Variants in AKT3 observed in about 807,000 individuals in gnomAD.
AKT3 encodes AKT serine/threonine kinase 3, also known as RAC-gamma serine/threonine-protein kinase.
AKT3 carries 15 observed loss-of-function variants against 65.3 expected under a neutral mutation model. That is an observed-to-expected ratio of 0.23 (90% CI 0.15 to 0.35). The LOEUF is 0.35. Among genes scored for constraint, AKT3 ranks in the 10% least tolerant of loss-of-function variants. The pLI, the probability that AKT3 is intolerant of heterozygous loss-of-function variation, is 1.00. For missense variants in AKT3, 243 were observed against 576.5 expected, an observed-to-expected ratio of 0.42 and a Z score of 5.92; for synonymous variants, 206 against 183.8, an observed-to-expected ratio of 1.12 and a Z score of -0.98.
At position 243,554,998 on chromosome 1, in the gene AKT3, T is replaced by C. The variant is rs547970096; in HGVS notation, c.949-2055A>G. ...TAAGCAACTGAAAAATAAAACTGCA[T>C]TGTAAAAAAATCTGTTTGATAAAAT... On this transcript the variant is annotated intron_variant, in intron 10 of 13. Coordinates refer to ENST00000673466, the MANE Select transcript of AKT3 (RefSeq NM_005465.7). 6.2e-3 allele frequency among the ~76,000 whole-genome samples: 944 copies of C among 152,258 alleles called. 14 individuals carry two copies. Among genetic ancestry groups the C allele is most frequent in the Middle Eastern group, 0.014 (4 of 294 alleles).
At chr1:243,715,740 T>C (rs1686473371) in intron 2 of AKT3, among the ~76,000 whole-genome samples, 1 of 152,046 alleles carries the variant, frequency 6.6e-6, no homozygotes, top group Admixed American at 6.6e-5. Flanking sequence ...GAAAACAGGT[T>C]CAAAGGTGTT....
chr1:243,786,688 G>T (rs577597389), intron 2 of AKT3, among the ~76,000 whole-genome samples: 1 of 152,062 alleles, frequency 6.6e-6, no homozygotes, highest in African/African-American at 2.4e-5. Flanking sequence ...GCACGGGGTG[G>T]GGGGGTGCGC....
intron 12 of AKT3, among the ~76,000 whole-genome samples, chr1:243,526,777 GTT>G (rs1314157661): frequency 3.5e-3 from 6 of 1,704 alleles, no homozygotes; most frequent in South Asian, 0.028. Flanking sequence ...ACAAAAAATG[GTT>G]AAAAAAAAAA....
At chr1:243,636,508 C>T (rs968344920) in intron 6 of AKT3, among the ~76,000 whole-genome samples, 6 of 151,972 alleles carry the variant, frequency 3.9e-5, no homozygotes, top group Non-Finnish European at 5.9e-5. Flanking sequence ...CCTTACATAT[C>T]CCAATCCTCA....
intron 3 of AKT3, among the ~76,000 whole-genome samples, chr1:243,673,452 A>G (rs1022223526): frequency 3.3e-5 from 5 of 152,124 alleles, no homozygotes; most frequent in Admixed American, 2.6e-4. Flanking sequence ...CTACATCATT[A>G]TATTTAATAG....
chr1:243,499,826 T>G lies in AKT3; in HGVS notation c.*5423A>C. ...GTGAAATAAATGATTTACAAAGAGA[T>G]ATTTACATTCATCTGGTTTAGACTT... On this transcript the variant is annotated 3_prime_UTR_variant, in exon 14 of 14. Coordinates refer to ENST00000673466, the MANE Select transcript of AKT3 (RefSeq NM_005465.7). The G allele has an allele frequency of 6.3e-7, 1 of 1,593,610 alleles. No individual in the cohort carries two copies. The highest frequency in any genetic ancestry group is 1.1e-5 in the South Asian group (1 of 90,526).
At chr1:243,513,779 A>G (rs1196586402) in intron 12 of AKT3, among the ~76,000 whole-genome samples, 1 of 152,184 alleles carries the variant, frequency 6.6e-6, no homozygotes, top group African/African-American at 2.4e-5. Context: ...AATGGCGACT[A>G]ATCCCTAAAC....
chr1:243,630,656 T>C (rs1679538781), intron 6 of AKT3, among the ~76,000 whole-genome samples: 1 of 152,246 alleles, frequency 6.6e-6, no homozygotes, highest in East Asian at 1.9e-4. Flanking sequence ...CTCCAATTCA[T>C]TCTTGCTTTT....
At chr1:243,788,258 T>C (rs147620740) in intron 2 of AKT3, among the ~76,000 whole-genome samples, 26 of 152,296 alleles carry the variant, frequency 1.7e-4, no homozygotes, top group Non-Finnish European at 3.5e-4. Context: ...GAAAAAAACA[T>C]GCTGAAACAA....
rs1056219513 is a variant in AKT3, at chr1:243,581,337, G to A, written c.697-8289C>T. On this transcript the variant is annotated intron_variant, in intron 8 of 13. Transcript: ENST00000673466. ...CTGTGGCAACAAAGAGCTTCTGCCA[G>A]TAAACAAGTATCAAGGTATACACTA... Among the ~76,000 whole-genome samples the A allele has an allele frequency of 6.5e-4, 99 of 152,338 alleles. 1 individual carries two copies. Among genetic ancestry groups the A allele is most frequent in the East Asian group, 3.9e-4 (2 of 5,170 alleles).
intron 13 of AKT3, among the ~76,000 whole-genome samples, chr1:243,508,724 G>A (rs540429906): frequency 7.8e-5 from 11 of 140,656 alleles, no homozygotes; most frequent in African/African-American, 2.8e-4. Flanking sequence ...GGAGGGCAAT[G>A]TTGTGATCTC....
intron 8 of AKT3, among the ~76,000 whole-genome samples, chr1:243,581,477 A>G (rs1675347641): frequency 6.6e-6 from 1 of 152,206 alleles, no homozygotes; most frequent in African/African-American, 2.4e-5. Flanking sequence ...CTAAAGAAAC[A>G]AAGTCAAAGA....
At chr1:243,830,088 A>G (rs1353725391) in intron 2 of AKT3, among the ~76,000 whole-genome samples, 1 of 152,158 alleles carries the variant, frequency 6.6e-6, no homozygotes, top group Non-Finnish European at 1.5e-5. Context: ...TCAACCAACC[A>G]CAGATCAAAA....
chr1:243,846,515 C>G (rs966876225), intron 1 of AKT3, among the ~76,000 whole-genome samples: 6 of 151,992 alleles, frequency 3.9e-5, no homozygotes, highest in Non-Finnish European at 8.8e-5. Flanking sequence ...ATCAACAAGT[C>G]AAGAAGCATA....
chr1:243,662,068 G>T (rs1239324579), intron 4 of AKT3, among the ~76,000 whole-genome samples: 11 of 149,750 alleles, frequency 7.3e-5, no homozygotes, highest in Non-Finnish European at 1.6e-4. Flanking sequence ...AGGTGCTGGA[G>T]AGGATGTGGA....
intron 2 of AKT3, among the ~76,000 whole-genome samples, chr1:243,772,412 C>T (rs976003553): frequency 2.6e-4 from 39 of 152,200 alleles, no homozygotes; most frequent in African/African-American, 7.9e-4. Flanking sequence ...AAGACAGTTA[C>T]GCAGCCAAAA....
chr1:243,556,906 G>C (rs1468810922), intron 10 of AKT3, among the ~76,000 whole-genome samples: 2 of 152,070 alleles, frequency 1.3e-5, no homozygotes, highest in African/African-American at 4.8e-5. Context: ...TTCTACAGTT[G>C]CTTGGTATTT....
At chr1:243,832,721 C>A (rs1306715526) in intron 2 of AKT3, among the ~76,000 whole-genome samples, 1 of 152,066 alleles carries the variant, frequency 6.6e-6, no homozygotes, top group Non-Finnish European at 1.5e-5. Context: ...TTTGAAGAGA[C>A]AGAGTTCAGA....
intron 11 of AKT3, among the ~76,000 whole-genome samples, chr1:243,550,293 A>G (rs1672958083): frequency 6.6e-6 from 1 of 152,232 alleles, no homozygotes; most frequent in African/African-American, 2.4e-5. Flanking sequence ...AGAAATTATT[A>G]GATCATTGAA....
Sources: allele counts gnomAD v4.1 joint callset (sites outside exome capture counted in the v4.1 genomes callset), GRCh38; gene constraint gnomAD v4.1.1; transcripts MANE v1.5; gene names NCBI Gene and HGNC (gene_info 2026-07-23, HGNC 2026-07-21).